INO80: variants seen among roughly 807,000 people sequenced by gnomAD.
The protein encoded by INO80 is INO80 complex ATPase subunit, also known as chromatin-remodeling ATPase INO80.
INO80 carries 20 observed loss-of-function variants against 203.4 expected under a neutral mutation model. That is an observed-to-expected ratio of 0.10 (90% confidence interval 0.07 to 0.14). The LOEUF (loss-of-function observed/expected upper bound fraction) is 0.14. Ranked by LOEUF, INO80 falls within the 10% of genes least tolerant of loss-of-function variation. INO80 has a pLI of 1.00. For synonymous variants in INO80, 726 were observed against 685.2 expected (o/e 1.06, Z -0.93); for missense variants, 1,419 against 1,914.4 (o/e 0.74, Z 4.83).
In INO80 at chr15:40,982,887, GGCATAGGCAGCT is replaced by G; in HGVS notation, c.4416_4427del (p.Ala1474_Ala1477del). ...CTTTAGACACGTTGTACCCGTATGC[GGCATAGGCAGCT>G]GCAGAGGCCGCTGCAGCCCCGGCTT... On this transcript the variant is annotated inframe_deletion, in exon 35 of 36. Coordinates refer to ENST00000648947, the MANE Select transcript of INO80 (RefSeq NM_017553.3). 1 of 1,613,514 alleles carries G rather than the reference GGCATAGGCAGCT, an allele frequency of 6.2e-7. No individual in the cohort carries two copies. Among genetic ancestry groups the G allele is most frequent in the African/African-American group, 1.3e-5 (1 of 75,044 alleles).
intron 27 of INO80, among the ~76,000 whole-genome samples, chr15:41,014,708 A>C (rs1461478944): frequency 1.3e-5 from 2 of 152,176 alleles, no homozygotes; most frequent in African/African-American, 2.4e-5. Flanking sequence ...AAAATCATTT[A>C]TGTCTCTTGC....
intron 31 of INO80, among the ~76,000 whole-genome samples, chr15:40,986,316 CTTTTTTTTTTTTT>C (rs551165963): frequency 3.3e-5 from 3 of 90,674 alleles, no homozygotes; most frequent in Non-Finnish European, 6.8e-5. Context: ...CTCCACAATG[CTTTTTTTTTTTTT>C]TTTTTTTTTT....
intron 29 of INO80, among the ~76,000 whole-genome samples, chr15:40,990,364 CTCTT>C (rs967238935): frequency 2.0e-5 from 3 of 152,136 alleles, no homozygotes; most frequent in African/African-American, 4.8e-5. Context: ...GTTTCTGTCT[CTCTT>C]TTTCTTTTCT....
At chr15:41,056,011 C>A (rs1041186806) in intron 17 of INO80, among the ~76,000 whole-genome samples, 5 of 138,000 alleles carry the variant, frequency 3.6e-5, no homozygotes, top group African/African-American at 5.4e-5. Flanking sequence ...GTGGCACAAT[C>A]TCGGCTCATT....
intron 35 of INO80, among the ~76,000 whole-genome samples, chr15:40,981,598 A>T (rs1425742373): frequency 6.6e-6 from 1 of 152,188 alleles, no homozygotes; most frequent in Non-Finnish European, 1.5e-5. Context: ...CACTTTCTAT[A>T]CTAGTATGCC....
intron 25 of INO80, among the ~76,000 whole-genome samples, chr15:41,026,514 C>T (rs1055514885): frequency 2.0e-5 from 3 of 151,886 alleles, no homozygotes; most frequent in African/African-American, 7.3e-5. Context: ...AATAATGCCA[C>T]TGCACTCCAG....
At chr15:40,991,304 C>T (rs1566901746) in intron 29 of INO80, among the ~76,000 whole-genome samples, 2 of 151,922 alleles carry the variant, frequency 1.3e-5, no homozygotes, top group Admixed American at 6.6e-5. Flanking sequence ...ACCTGTGCAG[C>T]GGAAAATATG....
At chr15:41,105,545 T>C (rs1318935681) in intron 1 of INO80, among the ~76,000 whole-genome samples, 4 of 152,152 alleles carry the variant, frequency 2.6e-5, no homozygotes, top group Non-Finnish European at 5.9e-5. Flanking sequence ...ATCCAAGAAG[T>C]GTGACTTCAA....
At position 41,035,548 on chromosome 15, in the gene INO80, G is replaced by A. The variant is rs904070513; in HGVS notation, c.2908-7812C>T. On this transcript the variant is annotated intron_variant, in intron 24 of 35. Transcript: ENST00000648947. The stretch of plus-strand genomic sequence containing the variant: ...CTCTAAAAAAAAAAAAAGACCGGGC[G>A]CGGTGGCTCACGCCTGTAATCCCAG... Among the ~76,000 whole-genome samples the A allele has an allele frequency of 7.3e-5, 11 of 151,576 alleles. No individual in the cohort carries two copies. In the South Asian group the frequency reaches 1.7e-3, roughly 23 times the overall value.
Position 40,980,114 on chromosome 15 carries a change from C to G in INO80, c.*109G>C. ...GTCCTTCCCCTGCTGGACATTTCCA[C>G]TTCTGACTCAGGATGCAAGATGCTG... On this transcript the variant is annotated 3_prime_UTR_variant, in exon 36 of 36. Transcript: ENST00000648947. The G allele has an allele frequency of 1.1e-6, 1 of 894,118 alleles. No homozygotes were observed. Among genetic ancestry groups the G allele is most frequent in the South Asian group, 1.5e-5 (1 of 68,816 alleles). The allele number at this position is 894,118 out of a possible 1,614,324, so 55.4% of individuals were successfully genotyped here. A position where few individuals can be genotyped will look rare whatever the true frequency, so the allele number is the denominator to read the frequency against.
At chr15:41,007,084 T>C (rs530795431) in intron 27 of INO80, among the ~76,000 whole-genome samples, 15 of 151,278 alleles carry the variant, frequency 9.9e-5, no homozygotes, top group African/African-American at 1.9e-4. Context: ...ACAAAGTAAC[T>C]AGACAATACC....
At chr15:41,065,988 CTTTTTTTTTT>C (rs1175524125) in intron 14 of INO80, among the ~76,000 whole-genome samples, 2 of 127,272 alleles carry the variant, frequency 1.6e-5, no homozygotes, top group African/African-American at 2.9e-5. Context: ...CTACATTGTA[CTTTTTTTTTT>C]TTTTTTTTTT....
Position 40,983,853 on chromosome 15 carries a change from G to C in INO80, c.4146C>G (p.Val1382=), listed in dbSNP as rs759465661. The change falls in exon 34 of 36, where the codon GTC becomes GTG. Residue 1382 remains valine (V), a synonymous_variant. Transcript: ENST00000648947. ...PLDESSSDML[V]IVDDPASSAP... ...CTGAGGAGGCTGGGTCATCCACAAT[G>C]ACCAGCATGTCACTGCTGCTCTCGT... 6.2e-7 allele frequency: 1 copy of C among 1,613,096 alleles called. No homozygotes were observed. Among genetic ancestry groups the C allele is most frequent in the East Asian group, 2.2e-5 (1 of 44,900 alleles).
intron 29 of INO80, among the ~76,000 whole-genome samples, chr15:40,995,008 A>T (rs2043863616): frequency 6.6e-6 from 1 of 152,202 alleles, no homozygotes; most frequent in Non-Finnish European, 1.5e-5. Context: ...GGCATGCGCC[A>T]GCACATACGG....
chr15:41,064,429 G>T (rs1052342687), intron 14 of INO80, among the ~76,000 whole-genome samples: 1 of 152,104 alleles, frequency 6.6e-6, no homozygotes, highest in African/African-American at 2.4e-5. Flanking sequence ...GCCTAGGCTG[G>T]AGTACAGTGG....
At chr15:41,060,827 C>T (rs1192169058) in intron 14 of INO80, among the ~76,000 whole-genome samples, 1 of 152,142 alleles carries the variant, frequency 6.6e-6, no homozygotes. Flanking sequence ...CAAAAAAACA[C>T]ATAAATCCTC....
intron 11 of INO80, among the ~76,000 whole-genome samples, chr15:41,072,381 T>C (rs2045334903): frequency 6.6e-6 from 1 of 151,924 alleles, no homozygotes; most frequent in Non-Finnish European, 1.5e-5. Flanking sequence ...TTCAACCTGA[T>C]TGTAGTTTCT....
rs758505460 is a variant in INO80 at position 41,085,532 on chromosome 15, G to T, written c.710C>A (p.Ser237Tyr). Residue 237 changes from serine to tyrosine, a missense_variant, in exon 7 of 36, where the codon TCT (serine) becomes TAT (tyrosine). Ser to Tyr is a moderately radical substitution (Grantham distance 144). Coordinates refer to ENST00000648947, the MANE Select transcript of INO80 (RefSeq NM_017553.3). ...KKRRRDEELS[S>Y]EESPRRHHHQ... ...GTGATGGCGACGAGGGGATTCTTCA[G>T]AGGAAAGTTCTTCATCTCTTCGTCT... 1 of 1,614,080 alleles carries T rather than the reference G, an allele frequency of 6.2e-7. No individual in the cohort carries two copies. The highest frequency in any genetic ancestry group is 1.3e-5 in the African/African-American group (1 of 74,928).
At chr15:41,037,046 T>C (rs887270612) in intron 24 of INO80, among the ~76,000 whole-genome samples, 29 of 151,988 alleles carry the variant, frequency 1.9e-4, no homozygotes, top group Non-Finnish European at 2.9e-5. Context: ...GAGGTTACAG[T>C]GAGCCAAGGT....
Sources: gnomAD v4.1 joint callset for allele counts (sites outside exome capture counted in the v4.1 genomes callset) on GRCh38, gnomAD v4.1.1 for gene constraint, MANE v1.5 for transcripts, NCBI Gene and HGNC (gene_info 2026-07-23, HGNC 2026-07-21) for gene names.